LIN7A: variants seen among roughly 807,000 people sequenced by gnomAD.
LIN7A encodes the protein lin-7 cell polarity scaffold A, also known as protein lin-7 homolog A.
In LIN7A, 25 loss-of-function variants were observed where a neutral mutation model predicts 29.8. That is an observed-to-expected ratio of 0.84 (90% confidence interval 0.61 to 1.17). The LOEUF is 1.17. Among genes scored for constraint, LIN7A ranks in the 50% most tolerant of loss-of-function variants. LIN7A has a pLI of 0.00. For missense variants in LIN7A, 239 were observed against 287.0 expected (o/e 0.83, Z 1.21); for synonymous variants, 118 against 107.5 (o/e 1.10, Z -0.60).
chr12:80,822,161 C>T (rs569061129), intron 4 of LIN7A, among the ~76,000 whole-genome samples: 2 of 152,248 alleles, frequency 1.3e-5, no homozygotes, highest in South Asian at 2.1e-4. Flanking sequence ...AGCAAGAAGG[C>T]GCAAAGCTAC....
chr12:80,912,243 C>T (rs1233293395), intron 1 of LIN7A, among the ~76,000 whole-genome samples: 2 of 151,886 alleles, frequency 1.3e-5, no homozygotes, highest in African/African-American at 4.8e-5. Context: ...CTGAGAAAAA[C>T]ACATTGTTTA....
At chr12:80,882,211 A>T (rs1875081809) in intron 2 of LIN7A, among the ~76,000 whole-genome samples, 1 of 151,458 alleles carries the variant, frequency 6.6e-6, no homozygotes, top group African/African-American at 2.4e-5. Flanking sequence ...TGGTTTCTCT[A>T]AATATTCTTT....
intron 1 of LIN7A, among the ~76,000 whole-genome samples, chr12:80,912,696 C>A (rs369440792): frequency 8.4e-4 from 111 of 132,896 alleles, no homozygotes; most frequent in African/African-American, 3.0e-3. Flanking sequence ...GCCTGGGTGA[C>A]AGACTGAGAC....
intron 1 of LIN7A, among the ~76,000 whole-genome samples, chr12:80,928,254 C>G (rs1356513537): frequency 6.6e-6 from 1 of 152,150 alleles, no homozygotes; most frequent in African/African-American, 2.4e-5. Context: ...AATAGCATTT[C>G]TAGTTCTAGA....
At chr12:80,870,290 C>T (rs1272898322) in intron 2 of LIN7A, among the ~76,000 whole-genome samples, 1 of 152,070 alleles carries the variant, frequency 6.6e-6, no homozygotes, top group Non-Finnish European at 1.5e-5. Context: ...ATATTTAAAT[C>T]TTGGATGAAT....
intron 2 of LIN7A, among the ~76,000 whole-genome samples, chr12:80,850,483 T>C (rs1004449859): frequency 6.6e-6 from 1 of 152,158 alleles, no homozygotes; most frequent in African/African-American, 2.4e-5. Context: ...TCGTGAACAC[T>C]GTTTACATAG....
Position 80,792,555 on chromosome 12 carries a change from A to G in LIN7A, c.*5172T>C, listed in dbSNP as rs1870252038. On this transcript the variant is annotated 3_prime_UTR_variant, in exon 6 of 6. Coordinates refer to ENST00000552864, the MANE Select transcript of LIN7A (RefSeq NM_004664.4). ...AATACTTTTACTTCCCAGCAGCATA[A>G]TACCACTTTGGTCAGGTTGAACCAC... The G allele has an allele frequency of 6.6e-6, 1 of 152,206 alleles. No homozygotes were observed. Among genetic ancestry groups the G allele is most frequent in the Non-Finnish European group, 1.5e-5 (1 of 68,036 alleles). 9.4% of individuals were successfully genotyped at this position (152,206 alleles called of 1,614,324 possible).
In LIN7A at chr12:80,937,853, G is replaced by T. The variant is rs571013135; in HGVS notation, c.-131C>A. 73 of 633,642 alleles carry T rather than the reference G, an allele frequency of 1.2e-4. No individual in the cohort carries two copies. The African/African-American group carries it at 1.2e-3, about 11-fold the overall frequency. The allele number at this position is 633,642 out of a possible 1,614,324, so 39.3% of individuals were successfully genotyped here. On this transcript the variant is annotated 5_prime_UTR_variant, in exon 1 of 6. Coordinates refer to ENST00000552864, the MANE Select transcript of LIN7A (RefSeq NM_004664.4). ...TGGAGAAGAAAGCTTGGGTGGGTTG[G>T]TAGCCAGATGGAGACGCAACTGTTC...
At chr12:80,911,880 T>C (rs955714305) in intron 1 of LIN7A, among the ~76,000 whole-genome samples, 4 of 152,214 alleles carry the variant, frequency 2.6e-5, no homozygotes, top group Non-Finnish European at 4.4e-5. Flanking sequence ...CAAGTGGTAT[T>C]AACATGAACT....
intron 4 of LIN7A, among the ~76,000 whole-genome samples, chr12:80,840,289 C>T (rs945441926): frequency 2.0e-5 from 3 of 152,240 alleles, no homozygotes; most frequent in Non-Finnish European, 4.4e-5. Flanking sequence ...TGGTACAATT[C>T]AGAGAGCTTA....
intron 5 of LIN7A, among the ~76,000 whole-genome samples, chr12:80,802,835 C>T (rs1870786751): frequency 6.6e-6 from 1 of 152,068 alleles, no homozygotes; most frequent in Non-Finnish European, 1.5e-5. Flanking sequence ...GCCATTCTAA[C>T]AGGTGTGAGG....
chr12:80,799,093 C>T (rs1299292776), intron 5 of LIN7A, among the ~76,000 whole-genome samples: 1 of 152,094 alleles, frequency 6.6e-6, no homozygotes, highest in African/African-American at 2.4e-5. Context: ...AGGAATGGGA[C>T]TCAGAACAGG....
At chr12:80,830,745 G>A (rs192205137) in intron 4 of LIN7A, among the ~76,000 whole-genome samples, 47 of 151,866 alleles carry the variant, frequency 3.1e-4, no homozygotes, top group African/African-American at 9.2e-4. Context: ...CTGGTTTTTC[G>A]TTGCTTCTCT....
At chr12:80,841,338 GGGAGGGAAGGAAGGAA>G (rs1186234632) in intron 4 of LIN7A, among the ~76,000 whole-genome samples, 1 of 123,976 alleles carries the variant, frequency 8.1e-6, no homozygotes, top group Non-Finnish European at 1.7e-5. Context: ...AAAAGAAAGA[GGGAGGGAAGGAAGGAA>G]GGAAGGAAGG....
chr12:80,807,425 T>C (rs1232618658), intron 5 of LIN7A, among the ~76,000 whole-genome samples: 2 of 152,170 alleles, frequency 1.3e-5, no homozygotes, highest in Non-Finnish European at 2.9e-5. Context: ...TTGAGTAATA[T>C]GGCTGAGCAA....
chr12:80,907,875 C>G (rs748384570), intron 1 of LIN7A, among the ~76,000 whole-genome samples: 1 of 152,130 alleles, frequency 6.6e-6, no homozygotes, highest in African/African-American at 2.4e-5. Flanking sequence ...TCTAGACATA[C>G]AGCCAAATTT....
chr12:80,829,738 G>A (rs1377922091), intron 4 of LIN7A, among the ~76,000 whole-genome samples: 1 of 151,972 alleles, frequency 6.6e-6, no homozygotes, highest in Non-Finnish European at 1.5e-5. Flanking sequence ...AATTACTGTT[G>A]ATCTTATCCC....
At chr12:80,806,204 C>T (rs1278657441) in intron 5 of LIN7A, among the ~76,000 whole-genome samples, 1 of 151,852 alleles carries the variant, frequency 6.6e-6, no homozygotes, top group East Asian at 1.9e-4. Context: ...TTATCGGCAG[C>T]GTGAAAATGA....
chr12:80,914,875 T>C (rs1876948698), intron 1 of LIN7A, among the ~76,000 whole-genome samples: 1 of 152,092 alleles, frequency 6.6e-6, no homozygotes, highest in African/African-American at 2.4e-5. Flanking sequence ...AATCTGACTC[T>C]ACAAAAAATA....
Sources: gnomAD v4.1 joint callset for allele counts (sites outside exome capture counted in the v4.1 genomes callset) on GRCh38, gnomAD v4.1.1 for gene constraint, MANE v1.5 for transcripts, NCBI Gene and HGNC (gene_info 2026-07-23, HGNC 2026-07-21) for gene names.